The following CDH11 variants were observed in gnomAD, a reference collection of about 807,000 sequenced individuals.
CDH11 encodes cadherin-11.
Under a neutral mutation model 67.8 loss-of-function variants are expected in CDH11, and 11 were observed. The observed-to-expected ratio is 0.16, with a 90% CI of 0.10 to 0.27. The LOEUF is 0.27. CDH11 is among the 10% of genes least tolerant of loss of function. The pLI, the probability that CDH11 is intolerant of heterozygous loss-of-function variation, is 1.00. For synonymous variants in CDH11, 419 were observed against 400.0 expected, an observed-to-expected ratio of 1.05 and a Z score of -0.57; for missense variants, 847 against 1,031.2, an observed-to-expected ratio of 0.82 and a Z score of 2.45.
intron 2 of CDH11, among the ~76,000 whole-genome samples, chr16:65,036,001 C>G (rs2073747196): frequency 1.3e-5 from 2 of 152,178 alleles, no homozygotes; most frequent in South Asian, 2.1e-4. Flanking sequence ...TCACAGCTCA[C>G]TAACAGCAGC....
intron 7 of CDH11, 50 bp downstream of exon 7, chr16:64,988,107 G>A (rs1184512875): frequency 9.9e-6 from 14 of 1,418,920 alleles, no homozygotes; most frequent in African/African-American, 1.4e-5. Context: ...GTGTTGCCTT[G>A]GCAGAGCAGG....
At position 64,950,973 on chromosome 16, in the gene CDH11, T is replaced by G. The variant is rs1175907813; in HGVS notation, c.1688A>C (p.Gln563Pro). The change falls in exon 12 of 13, where the codon CAG (glutamine) becomes CCG (proline). Residue 563 changes from glutamine to proline, a missense_variant. By Grantham distance (76) the Gln-to-Pro change is moderately conservative. Transcript: ENST00000268603. ...GGGCAGAAGGTACAAGTCCTGCTTC[T>G]GCCGACTGAACCCTCCACGCCGGGC... Reference protein sequence around the residue: ...VYARRGGFSRQKQDLYLLPIV... With the variant: ...VYARRGGFSRPKQDLYLLPIV... The G allele has an allele frequency of 3.7e-6, 6 of 1,614,166 alleles. No homozygotes were observed. The highest frequency in any genetic ancestry group is 2.2e-5 in the South Asian group (2 of 91,090).
At chr16:64,953,889 G>T (rs933213425) in intron 11 of CDH11, among the ~76,000 whole-genome samples, 2 of 152,192 alleles carry the variant, frequency 1.3e-5, no homozygotes, top group African/African-American at 4.8e-5. Context: ...CAGATGACTT[G>T]CTTGGTTTAC....
intron 1 of CDH11, among the ~76,000 whole-genome samples, chr16:65,103,572 G>A (rs1159154993): frequency 6.6e-6 from 1 of 152,108 alleles, no homozygotes; most frequent in Non-Finnish European, 1.5e-5. Context: ...TGGTAGTATA[G>A]GATTATTTTG....
chr16:64,995,292 C>G (rs1184574126), intron 4 of CDH11, among the ~76,000 whole-genome samples: 1 of 151,976 alleles, frequency 6.6e-6, no homozygotes, highest in Admixed American at 6.6e-5. Flanking sequence ...CAAAGCAATC[C>G]TAAGCAAAAA....
At chr16:64,966,769 A>G (rs2142412645) in intron 11 of CDH11, among the ~76,000 whole-genome samples, 1 of 152,300 alleles carries the variant, frequency 6.6e-6, no homozygotes, top group Admixed American at 6.5e-5. Flanking sequence ...AAAAAGTGTA[A>G]CATCTCTACT....
At chr16:65,085,758 G>C (rs564429818) in intron 1 of CDH11, among the ~76,000 whole-genome samples, 1 of 152,186 alleles carries the variant, frequency 6.6e-6, no homozygotes, top group Admixed American at 6.5e-5. Context: ...GTGTGGTTAC[G>C]TGCCTTATAA....
chr16:65,027,798 C>T (rs571052265), intron 2 of CDH11, among the ~76,000 whole-genome samples: 2 of 152,272 alleles, frequency 1.3e-5, no homozygotes, highest in East Asian at 1.9e-4. Flanking sequence ...AAGTTTTCAT[C>T]CTCCATCTCT....
intron 1 of CDH11, among the ~76,000 whole-genome samples, chr16:65,098,824 A>C (rs1292521824): frequency 6.6e-6 from 1 of 152,156 alleles, no homozygotes; most frequent in Non-Finnish European, 1.5e-5. Context: ...TGTCTCTGCC[A>C]CTAGTATGCC....
chr16:65,102,610 G>A (rs2075010953), intron 1 of CDH11, among the ~76,000 whole-genome samples: 1 of 152,140 alleles, frequency 6.6e-6, no homozygotes, highest in South Asian at 2.1e-4. Context: ...TTTGTCCTTT[G>A]GAAACATATG....
At chr16:65,053,407 C>A (rs1464862826) in intron 2 of CDH11, among the ~76,000 whole-genome samples, 2 of 152,190 alleles carry the variant, frequency 1.3e-5, no homozygotes, top group African/African-American at 4.8e-5. Context: ...CTAGCAATCT[C>A]ATTTCCTTGT....
At position 64,981,853 on chromosome 16, in the gene CDH11, A is replaced by C. The variant is rs1478335337; in HGVS notation, c.1253+195T>G. 22 of 507,372 alleles carry C rather than the reference A, an allele frequency of 4.3e-5. No homozygotes were observed. In the East Asian group the frequency reaches 6.9e-4, roughly 16 times the overall value. The allele number at this position is 507,372 out of a possible 1,614,324, so 31.4% of individuals were successfully genotyped here. A position where few individuals can be genotyped will look rare whatever the true frequency, so the allele number is the denominator to read the frequency against. ...AGAGCAAAGTCATGTAGCTTGAACA[A>C]TCCTATCCAAAAAGTCAGGAACAGA... is the stretch of plus-strand genomic sequence containing the variant. On this transcript the variant is annotated intron_variant, in intron 8 of 12. Coordinates refer to ENST00000268603, the MANE Select transcript of CDH11 (RefSeq NM_001797.4).
rs1214894246 is a variant in CDH11 at position 64,947,069 on chromosome 16, A to G, written c.*534T>C. ...AAAAAGATTTACAAGAATCAGCAGTAACAAGATTGATGCTCAAGAGACATA... is the reference window on the plus strand; with the variant it reads ...AAAAAGATTTACAAGAATCAGCAGTGACAAGATTGATGCTCAAGAGACATA... On this transcript the variant is annotated 3_prime_UTR_variant, in exon 13 of 13. Coordinates refer to ENST00000268603, the MANE Select transcript of CDH11 (RefSeq NM_001797.4). 1.9e-6 allele frequency: 2 copies of G among 1,033,056 alleles called. No individual in the cohort carries two copies. Among genetic ancestry groups the G allele is most frequent in the African/African-American group, 3.4e-5 (2 of 59,298 alleles). The allele number at this position is 1,033,056 out of a possible 1,614,324, so 64.0% of individuals were successfully genotyped here. A position where few individuals can be genotyped will look rare whatever the true frequency, so the allele number is the denominator to read the frequency against.
intron 1 of CDH11, among the ~76,000 whole-genome samples, chr16:65,077,980 T>G (rs1316660656): frequency 6.6e-6 from 1 of 152,192 alleles, no homozygotes; most frequent in Non-Finnish European, 1.5e-5. Flanking sequence ...ACGGGTAAGT[T>G]TTCTGAAGTA....
At chr16:65,083,417 A>C (rs925757603) in intron 1 of CDH11, among the ~76,000 whole-genome samples, 2 of 152,240 alleles carry the variant, frequency 1.3e-5, no homozygotes, top group Non-Finnish European at 2.9e-5. Flanking sequence ...GACTCCAGGC[A>C]GAAATGGGCC....
intron 3 of CDH11, among the ~76,000 whole-genome samples, chr16:65,004,420 A>G (rs1438104113): frequency 6.6e-6 from 1 of 152,224 alleles, no homozygotes. Context: ...CTAAAACTAA[A>G]TGGAAAAACC....
chr16:65,060,435 G>C (rs780823328), intron 1 of CDH11, among the ~76,000 whole-genome samples: 21 of 152,030 alleles, frequency 1.4e-4, no homozygotes, highest in Non-Finnish European at 1.9e-4. Context: ...CTTTCTCCAG[G>C]AGAGTATATT....
rs373677057 is a variant in CDH11, at chr16:65,103,049, T to C, written c.-298+18831A>G. ...TCACTCTCCACCCAGTGCCTACACA[T>C]GCACATTCATGCAGGTGCCTACCAC... On this transcript the variant is annotated intron_variant, in intron 1 of 12. Coordinates refer to ENST00000268603, the MANE Select transcript of CDH11 (RefSeq NM_001797.4). Among the ~76,000 whole-genome samples the C allele has an allele frequency of 4.6e-5, 7 of 152,184 alleles. No homozygotes were observed. The East Asian group carries it at 1.2e-3, about 25-fold the overall frequency.
At chr16:64,962,067 T>A (rs559888034) in intron 11 of CDH11, among the ~76,000 whole-genome samples, 3 of 152,224 alleles carry the variant, frequency 2.0e-5, no homozygotes, top group East Asian at 1.9e-4. Flanking sequence ...TCTATGCAAT[T>A]AGATGAAAAA....
Sources: allele counts gnomAD v4.1 joint callset (sites outside exome capture counted in the v4.1 genomes callset), GRCh38; gene constraint gnomAD v4.1.1; transcripts MANE v1.5; gene names NCBI Gene and HGNC (gene_info 2026-07-23, HGNC 2026-07-21).